TRAIP: variants seen among roughly 807,000 people sequenced by gnomAD.
The protein encoded by TRAIP is E3 ubiquitin-protein ligase TRAIP.
A neutral mutation model predicts 65.0 loss-of-function variants in TRAIP; 37 were observed. The ratio of observed to expected loss-of-function variants is 0.57; its 90% CI spans 0.44 to 0.75. TRAIP has a LOEUF of 0.75. TRAIP is among the 30% of genes least tolerant of loss of function. The pLI, the probability that TRAIP is intolerant of heterozygous loss-of-function variation, is 0.00. For synonymous variants in TRAIP, 187 were observed against 219.1 expected (o/e 0.85, Z 1.29); for missense variants, 481 against 579.4 (o/e 0.83, Z 1.74).
chr3:49,844,480 C>T, intron 4 of TRAIP, 61 bp downstream of exon 4: 1 of 1,593,614 alleles, frequency 6.3e-7, no homozygotes, highest in Non-Finnish European at 8.6e-7. Context: ...CTCCTAGGGC[C>T]CCCTTCCTCC....
intron 11 of TRAIP, among the ~76,000 whole-genome samples, chr3:49,830,618 G>C (rs1327322025): frequency 6.6e-6 from 1 of 152,186 alleles, no homozygotes; most frequent in South Asian, 2.1e-4. Context: ...GCCTGGGGCA[G>C]AATAGCGCAT....
At chr3:49,856,268 C>T in intron 1 of TRAIP, 88 bp downstream of exon 1, 4 of 1,158,526 alleles carry the variant, frequency 3.5e-6, no homozygotes, top group East Asian at 4.9e-5. Flanking sequence ...GTCTGGATTC[C>T]GGGGTTGGAC....
chr3:49,829,034 C>A lies in TRAIP; in HGVS notation c.*69G>T. The A allele has an allele frequency of 6.2e-7, 1 of 1,609,258 alleles. No individual in the cohort carries two copies. The highest frequency in any genetic ancestry group is 1.1e-5 in the South Asian group (1 of 90,684). ...GAAAGTGGGGCTCTGTCCACAAAAC[C>A]CCTGCCTGGACAGTCCTTGACCTAC... On this transcript the variant is annotated 3_prime_UTR_variant, in exon 15 of 15. Transcript: ENST00000331456.
Position 49,832,083 on chromosome 3 carries a change from G to T in TRAIP, c.885-15C>A. The stretch of plus-strand genomic sequence containing the variant: ...CAGGGGCTGGGCTGAAGGCAGAGAT[G>T]ACCTGGTTACTTGGGGCCACAGTGG... On this transcript the variant is annotated splice_polypyrimidine_tract_variant and intron_variant, in intron 10 of 14. Transcript: ENST00000331456. 1 of 1,566,666 alleles carries T rather than the reference G, an allele frequency of 6.4e-7. No homozygotes were observed. The highest frequency in any genetic ancestry group is 1.2e-5 in the South Asian group (1 of 84,250).
At chr3:49,850,650 AT>A (rs869237477) in intron 1 of TRAIP, among the ~76,000 whole-genome samples, 247 of 90,674 alleles carry the variant, frequency 2.7e-3, no homozygotes, top group African/African-American at 5.6e-3. Flanking sequence ...AATAGTCTGC[AT>A]TTTTTTTTTT....
At position 49,829,062 on chromosome 3, in the gene TRAIP, G is replaced by A. The variant is rs1043716290; in HGVS notation, c.*41C>T. 1.2e-6 allele frequency: 2 copies of A among 1,613,980 alleles called. No homozygotes were observed. The highest frequency in any genetic ancestry group is 1.7e-5 in the Admixed American group (1 of 60,016). Reference sequence around the variant, plus strand: ...TGCCTGGACAGTCCTTGACCTACAAGTTGCAGGCATGTGTCTGGCCATTGG... The same window carrying A: ...TGCCTGGACAGTCCTTGACCTACAAATTGCAGGCATGTGTCTGGCCATTGG... On this transcript the variant is annotated 3_prime_UTR_variant, in exon 15 of 15. Transcript: ENST00000331456.
intron 3 of TRAIP, among the ~76,000 whole-genome samples, chr3:49,846,799 GAGGCCA>G (rs2081886641): frequency 6.6e-6 from 1 of 152,204 alleles, no homozygotes; most frequent in African/African-American, 2.4e-5. Flanking sequence ...AGCCCTTTGG[GAGGCCA>G]AGGTGGGAGG....
Position 49,837,914 on chromosome 3 carries a change from A to T in TRAIP, c.884+1858T>A, listed in dbSNP as rs118021709. ...TTTTTTCCAAGAGAGACGGGGTCTT[A>T]CTCTGTCTCCCAGGCTGGAGTGCAG... On this transcript the variant is annotated intron_variant, in intron 10 of 14. Transcript: ENST00000331456. 4.5e-3 allele frequency among the ~76,000 whole-genome samples: 559 copies of T among 123,606 alleles called. 8 individuals are homozygous for T. Among genetic ancestry groups the T allele is most frequent in the East Asian group, 0.017 (72 of 4,152 alleles). 81.1% of individuals were successfully genotyped at this position (123,606 alleles called of 152,430 possible).
chr3:49,829,725 C>T lies in TRAIP; in HGVS notation c.1128G>A (p.Glu376=). The T allele has an allele frequency of 6.2e-7, 1 of 1,614,206 alleles. No individual in the cohort carries two copies. The highest frequency in any genetic ancestry group is 8.5e-7 in the Non-Finnish European group (1 of 1,180,038). ...AGGCACCAACCAGTTCCTCATCTGG[C>T]TCTCCTGCACAGCTCTGGCCACCCA... The part of the protein sequence containing the change: ...LSLGGQSCAG[E]PDEELVGAFP... The change falls in exon 13 of 15, where the codon GAG becomes GAA. Residue 376 remains glutamate (E), a synonymous_variant. Coordinates refer to ENST00000331456, the MANE Select transcript of TRAIP (RefSeq NM_005879.3).
At chr3:49,855,427 G>A (rs1399555534) in intron 1 of TRAIP, among the ~76,000 whole-genome samples, 4 of 152,184 alleles carry the variant, frequency 2.6e-5, no homozygotes, top group Admixed American at 1.3e-4. Flanking sequence ...CAGCCTACAC[G>A]ACAGGAGCGA....
chr3:49,832,715 G>A (rs1452505810), intron 10 of TRAIP, among the ~76,000 whole-genome samples: 1 of 87,496 alleles, frequency 1.1e-5, no homozygotes, highest in Non-Finnish European at 2.6e-5. Context: ...GGGGGGGGGG[G>A]GTGGGGGGTG....
chr3:49,832,177 A>C, intron 10 of TRAIP, 109 bp from the exon 11 acceptor site: 2 of 1,245,536 alleles, frequency 1.6e-6, no homozygotes, highest in Non-Finnish European at 2.1e-6. Context: ...CCCACTCCTG[A>C]CTCAAGGCCA....
At chr3:49,848,374 G>T (rs2081903255) in intron 1 of TRAIP, among the ~76,000 whole-genome samples, 174 bp from the exon 2 acceptor site, 1 of 152,216 alleles carries the variant, frequency 6.6e-6, no homozygotes, top group African/African-American at 2.4e-5. Flanking sequence ...GGCCTGATGG[G>T]TACTCAGGAC....
At position 49,856,404 on chromosome 3, in the gene TRAIP, G is replaced by A. The variant is rs760001820; in HGVS notation, c.50C>T (p.Ser17Phe). 1.1e-5 allele frequency: 18 copies of A among 1,614,068 alleles called. No homozygotes were observed. In the South Asian group the frequency reaches 1.9e-4, roughly 17 times the overall value. Reference protein sequence around the residue: ...CTICSDFFDHSRDVAAIHCGH... With the variant: ...CTICSDFFDHFRDVAAIHCGH... ...GCAGTGGATGGCGGCCACGTCGCGG[G>A]AGTGATCGAAGAAGTCGGAGCAGAT... The change falls in exon 1 of 15, where the codon TCC (serine) becomes TTC (phenylalanine). Residue 17 changes from serine (S) to phenylalanine (F), a missense_variant. Coordinates refer to ENST00000331456, the MANE Select transcript of TRAIP (RefSeq NM_005879.3).
intron 1 of TRAIP, among the ~76,000 whole-genome samples, chr3:49,849,099 C>T: frequency 6.6e-6 from 1 of 152,126 alleles, no homozygotes; most frequent in South Asian, 2.1e-4. Context: ...CCTGCCTCAG[C>T]CTCCCAAAGT....
chr3:49,830,075 G>A lies in TRAIP; in HGVS notation c.1038-7C>T, dbSNP rs535151842. 1.8e-5 allele frequency: 29 copies of A among 1,614,166 alleles called. No individual in the cohort carries two copies. In the African/African-American group the frequency reaches 2.8e-4, roughly 16 times the overall value. On this transcript the variant is annotated splice_polypyrimidine_tract_variant and splice_region_variant and intron_variant, in intron 11 of 14. Transcript: ENST00000331456. ...GACATCCTGAATTGGGGAGCTACAA[G>A]AATGAGAGAGAAGGCAAGGGGTAGG...
intron 1 of TRAIP, among the ~76,000 whole-genome samples, chr3:49,850,798 G>C (rs890285536): frequency 8.6e-5 from 13 of 151,016 alleles, no homozygotes; most frequent in Non-Finnish European, 1.8e-4. Context: ...GGGGTTACGG[G>C]TGCACGCCAC....
intron 10 of TRAIP, among the ~76,000 whole-genome samples, chr3:49,839,243 CT>C (rs1280348442): frequency 6.7e-6 from 1 of 150,350 alleles, no homozygotes; most frequent in Non-Finnish European, 1.5e-5. Context: ...GAGTTGTGTG[CT>C]TTCTGTCTGG....
In TRAIP at chr3:49,843,929, C is replaced by G. The variant is rs757965211; in HGVS notation, c.281-1G>C. On this transcript the variant is annotated splice_acceptor_variant, in intron 4 of 14. Coordinates refer to ENST00000331456, the MANE Select transcript of TRAIP (RefSeq NM_005879.3). LOFTEE classifies it high-confidence loss of function. The stretch of plus-strand genomic sequence containing the variant: ...ACCTGGCTGTCTCGTTTCTCCTTGT[C>G]TGGAGCAGGGGTAGAGGGCGGAGGA... The G allele has an allele frequency of 6.2e-7, 1 of 1,607,308 alleles. No homozygotes were observed. Among genetic ancestry groups the G allele is most frequent in the South Asian group, 1.1e-5 (1 of 90,860 alleles).
Sources: allele counts gnomAD v4.1 joint callset (sites outside exome capture counted in the v4.1 genomes callset), GRCh38; gene constraint gnomAD v4.1.1; transcripts MANE v1.5; gene names NCBI Gene and HGNC (gene_info 2026-07-23, HGNC 2026-07-21).